Variants in LHX5 observed in about 807,000 individuals in gnomAD.
The protein encoded by LHX5 is LIM/homeobox protein Lhx5.
Under a neutral mutation model 30.6 loss-of-function variants are expected in LHX5, and 5 were observed. The ratio of observed to expected loss-of-function variants is 0.16; its 90% CI spans 0.09 to 0.34. The LOEUF (loss-of-function observed/expected upper bound fraction) is 0.34, where lower values mean the gene tolerates loss of function less well. LHX5 is among the 10% of genes least tolerant of loss of function. The pLI, the probability that LHX5 is intolerant of heterozygous loss-of-function variation, is 1.00. For synonymous variants in LHX5, 266 were observed against 252.6 expected, an observed-to-expected ratio of 1.05 and a Z score of -0.50; for missense variants, 458 against 570.6, an observed-to-expected ratio of 0.80 and a Z score of 2.01.
Position 113,466,778 on chromosome 12 carries a change from T to A in LHX5, c.841+478A>T, listed in dbSNP as rs1022746979. Among the ~76,000 whole-genome samples, 1 of 152,130 alleles carries A rather than the reference T, an allele frequency of 6.6e-6. No homozygotes were observed. The highest frequency in any genetic ancestry group is 2.1e-4 in the South Asian group (1 of 4,820). ...CGCTCGGAATCCACCTCATGCCAAG[T>A]ACACCAGGCACAGGGCGGCAGGAAG... On this transcript the variant is annotated intron_variant, in intron 4 of 4. Coordinates refer to ENST00000261731, the MANE Select transcript of LHX5 (RefSeq NM_022363.3). This position sits in a 1 kb window ranked among gnomAD's most constrained non-coding sequence, Gnocchi z 6.5.
In LHX5 at chr12:113,466,016, G is replaced by A. The variant is rs2136977255; in HGVS notation, c.841+1240C>T. Among the ~76,000 whole-genome samples, 1 of 152,296 alleles carries A rather than the reference G, an allele frequency of 6.6e-6. No individual in the cohort carries two copies. Among genetic ancestry groups the A allele is most frequent in the East Asian group, 1.9e-4 (1 of 5,172 alleles). The stretch of plus-strand genomic sequence containing the variant: ...TCTAGGGGCCCCGGTCCGGTCTCAA[G>A]GTCTAATCCCCCCTCAGGCTTCCGG... On this transcript the variant is annotated intron_variant, in intron 4 of 4. Transcript: ENST00000261731. The surrounding 1 kb of genome is among the most constrained non-coding windows in gnomAD (Gnocchi z 6.5).
chr12:113,470,725 G>A (rs1958244510), intron 1 of LHX5, among the ~76,000 whole-genome samples: 1 of 152,242 alleles, frequency 6.6e-6, no homozygotes, highest in Non-Finnish European at 1.5e-5. Context: ...AGGTGCCACA[G>A]CCCAGTCTAG....
rs1021672106 is a variant in LHX5 at position 113,464,650 on chromosome 12, A to G, written c.842-1093T>C. Among the ~76,000 whole-genome samples, 10 of 152,068 alleles carry G rather than the reference A, an allele frequency of 6.6e-5. No individual in the cohort carries two copies. The highest frequency in any genetic ancestry group is 2.4e-4 in the African/African-American group (10 of 41,420). The stretch of plus-strand genomic sequence containing the variant: ...AGCTCCGCGGGCTCCTTGGGGTAGA[A>G]GCTCGGTCCTCCAGCCTTGCCCCGG... On this transcript the variant is annotated intron_variant, in intron 4 of 4. Transcript: ENST00000261731. This position sits in a 1 kb window ranked among gnomAD's most constrained non-coding sequence, Gnocchi z 6.2.
rs1425878405 is a variant in LHX5 at position 113,464,719 on chromosome 12, A to G, written c.842-1162T>C. On this transcript the variant is annotated intron_variant, in intron 4 of 4. Transcript: ENST00000261731. This position sits in a 1 kb window ranked among gnomAD's most constrained non-coding sequence, Gnocchi z 6.2. ...CCCAGGTTCTGAAGCATCTGAGGAC[A>G]TTGAGATCTTTTGAGAAGCTGGTGA... Among the ~76,000 whole-genome samples the G allele has an allele frequency of 6.6e-6, 1 of 152,184 alleles. No individual in the cohort carries two copies.
At chr12:113,469,668 C>T (rs1449140512) in intron 1 of LHX5, among the ~76,000 whole-genome samples, 1 of 152,214 alleles carries the variant, frequency 6.6e-6, no homozygotes, top group African/African-American at 2.4e-5. Context: ...CAACCCCTGC[C>T]AGGCCTGCCT....
rs1440086408 is a variant in LHX5, at chr12:113,465,736, C to T, written c.841+1520G>A. Among the ~76,000 whole-genome samples the T allele has an allele frequency of 6.6e-6, 1 of 152,250 alleles. No homozygotes were observed. The highest frequency in any genetic ancestry group is 1.5e-5 in the Non-Finnish European group (1 of 68,036). ...AAAAATTCCGGGCCGGTACCGCCCC[C>T]ACTACCTCGCTGCTCCGGGCCCAGA... On this transcript the variant is annotated intron_variant, in intron 4 of 4. Transcript: ENST00000261731. This position sits in a 1 kb window ranked among gnomAD's most constrained non-coding sequence, Gnocchi z 6.7.
rs1023625076 is a variant in LHX5, at chr12:113,471,253, T to A, written c.173+73A>T. On this transcript the variant is annotated intron_variant, in intron 1 of 4. Transcript: ENST00000261731. Reference sequence around the variant, plus strand: ...GGAGGCTGGGATGGGGATGGGGGTATCCCCTTCCCCAGCGCCCCAGTGGAG... The same window carrying A: ...GGAGGCTGGGATGGGGATGGGGGTAACCCCTTCCCCAGCGCCCCAGTGGAG... 3.4e-6 allele frequency: 5 copies of A among 1,487,440 alleles called. No individual in the cohort carries two copies. In the East Asian group the frequency reaches 6.8e-5, roughly 20 times the overall value. 92.1% of individuals were successfully genotyped at this position (1,487,440 alleles called of 1,614,324 possible). A position where few individuals can be genotyped will look rare whatever the true frequency, so the allele number is the denominator to read the frequency against.
chr12:113,471,176 G>A (rs943945780), intron 1 of LHX5, 150 bp downstream of exon 1: 8 of 791,242 alleles, frequency 1.0e-5, no homozygotes, highest in Admixed American at 2.6e-5. Flanking sequence ...CTGGACCAAG[G>A]ACAGGAGGAG....
chr12:113,468,880 G>A lies in LHX5; in HGVS notation c.397+242C>T, dbSNP rs190487970. Among the ~76,000 whole-genome samples the A allele has an allele frequency of 2.2e-3, 336 of 152,366 alleles. 3 individuals are homozygous for A. The highest frequency in any genetic ancestry group is 7.8e-3 in the African/African-American group (325 of 41,582). On this transcript the variant is annotated intron_variant, in intron 2 of 4. Transcript: ENST00000261731. ...TAGGGGAGGAGGGCAACTTGGAAAA[G>A]GCTCCTGAATTGGAGGAGGGTGAGG...
At chr12:113,469,494 G>A (rs1958234652) in intron 1 of LHX5, 149 bp from the exon 2 acceptor site, 1 of 672,088 alleles carries the variant, frequency 1.5e-6, no homozygotes, top group Non-Finnish European at 2.5e-6. Context: ...TCTGGCCAGA[G>A]TGGGAGAAGT....
At position 113,463,164 on chromosome 12, in the gene LHX5, C is replaced by G; in HGVS notation, c.*26G>C. ...GCTTCGGGGCGGGGCCCCCGGGGGC[C>G]GAGCGCGGGGGGCGGCCCGGCGGCC... is the stretch of plus-strand genomic sequence containing the variant. On this transcript the variant is annotated 3_prime_UTR_variant, in exon 5 of 5. Coordinates refer to ENST00000261731, the MANE Select transcript of LHX5 (RefSeq NM_022363.3). The surrounding 1 kb of genome is among the most constrained non-coding windows in gnomAD (Gnocchi z 6.7). 6.8e-7 allele frequency: 1 copy of G among 1,475,998 alleles called. No individual in the cohort carries two copies. Among genetic ancestry groups the G allele is most frequent in the Non-Finnish European group, 8.9e-7 (1 of 1,123,512 alleles). The allele number at this position is 1,475,998 out of a possible 1,614,324, so 91.4% of individuals were successfully genotyped here.
In LHX5 at chr12:113,468,112, C is replaced by T. The variant is rs781131647; in HGVS notation, c.675+15G>A. 5 of 1,527,618 alleles carry T rather than the reference C, an allele frequency of 3.3e-6. No homozygotes were observed. The highest frequency in any genetic ancestry group is 3.5e-6 in the Non-Finnish European group (4 of 1,139,906). The allele number at this position is 1,527,618 out of a possible 1,614,324, so 94.6% of individuals were successfully genotyped here. On this transcript the variant is annotated intron_variant, in intron 3 of 4. Coordinates refer to ENST00000261731, the MANE Select transcript of LHX5 (RefSeq NM_022363.3). ...GCCAGCGGGGCTAAGGAGCTGTGCCCGCCCCGGGCCGCACCTGGATGACGC... is the reference window on the plus strand; with the variant it reads ...GCCAGCGGGGCTAAGGAGCTGTGCCTGCCCCGGGCCGCACCTGGATGACGC...
At chr12:113,469,709 A>C (rs116821718) in intron 1 of LHX5, among the ~76,000 whole-genome samples, 2 of 152,186 alleles carry the variant, frequency 1.3e-5, no homozygotes, top group African/African-American at 4.8e-5. Context: ...AGAGTCCATG[A>C]ATGATTTGAA....
rs1042406268 is a variant in LHX5, at chr12:113,467,559, C to T, written c.676-138G>A. ...GGACTCCCCCGAGGCGGGGCCGGGC[C>T]GGATTAGGCCGGGAGGGGTGGAGAG... On this transcript the variant is annotated intron_variant, in intron 3 of 4. Coordinates refer to ENST00000261731, the MANE Select transcript of LHX5 (RefSeq NM_022363.3). The surrounding 1 kb of genome is among the most constrained non-coding windows in gnomAD (Gnocchi z 6.3). 1.1e-5 allele frequency: 9 copies of T among 817,390 alleles called. No individual in the cohort carries two copies. The highest frequency in any genetic ancestry group is 1.6e-5 in the Non-Finnish European group (9 of 568,354). 50.6% of individuals were successfully genotyped at this position (817,390 alleles called of 1,614,324 possible). A position where few individuals can be genotyped will look rare whatever the true frequency, so the allele number is the denominator to read the frequency against.
At chr12:113,470,215 G>A (rs1958239928) in intron 1 of LHX5, among the ~76,000 whole-genome samples, 1 of 152,116 alleles carries the variant, frequency 6.6e-6, no homozygotes, top group Admixed American at 6.5e-5. Context: ...TGGGGGTGGG[G>A]TGGGGGAGGA....
At position 113,463,297 on chromosome 12, in the gene LHX5, C is replaced by A. The variant is rs1349582111; in HGVS notation, c.1102G>T (p.Val368Leu). ...GGCGGGCTGGGCCCGCCGCTGAATA[C>A]CTCGCCGGGCATGGGGTGCAGCGTG... ...PGTLHPMPGE[V>L]FSGGPSPPFP... Residue 368 changes from valine (V) to leucine (L), a missense_variant, in exon 5 of 5, where the codon GTA becomes TTA. Transcript: ENST00000261731. The surrounding 1 kb of genome is among the most constrained non-coding windows in gnomAD (Gnocchi z 6.7). 3.3e-6 allele frequency: 5 copies of A among 1,529,410 alleles called. No individual in the cohort carries two copies. The highest frequency in any genetic ancestry group is 2.9e-5 in the African/African-American group (2 of 70,012). 94.7% of individuals were successfully genotyped at this position (1,529,410 alleles called of 1,614,324 possible).
rs1275209678 is a variant in LHX5, at chr12:113,465,766, G to C, written c.841+1490C>G. 6.6e-6 allele frequency among the ~76,000 whole-genome samples: 1 copy of C among 152,214 alleles called. No homozygotes were observed. Among genetic ancestry groups the C allele is most frequent in the Non-Finnish European group, 1.5e-5 (1 of 68,032 alleles). On this transcript the variant is annotated intron_variant, in intron 4 of 4. Coordinates refer to ENST00000261731, the MANE Select transcript of LHX5 (RefSeq NM_022363.3). This position sits in a 1 kb window ranked among gnomAD's most constrained non-coding sequence, Gnocchi z 6.7. Reference sequence around the variant, plus strand: ...CCTCGCTGCTCCGGGCCCAGATTTTGTAGGGAAAGAGGCAAATTTAGGTGG... The same window carrying C: ...CCTCGCTGCTCCGGGCCCAGATTTTCTAGGGAAAGAGGCAAATTTAGGTGG...
At chr12:113,470,021 AC>A (rs1251098133) in intron 1 of LHX5, among the ~76,000 whole-genome samples, 1 of 152,068 alleles carries the variant, frequency 6.6e-6, no homozygotes, top group East Asian at 1.9e-4. Flanking sequence ...GCCCCCCTAA[AC>A]CTCTGGCCTG....
rs945522436 is a variant in LHX5 at position 113,466,590 on chromosome 12, A to G, written c.841+666T>C. On this transcript the variant is annotated intron_variant, in intron 4 of 4. Transcript: ENST00000261731. The surrounding 1 kb of genome is among the most constrained non-coding windows in gnomAD (Gnocchi z 6.5). ...GGGTCTCGGGGCTGGAGGGTGGACT[A>G]CAGTCCTGCCCAGAGCAACTGCCGG... Among the ~76,000 whole-genome samples the G allele has an allele frequency of 6.6e-6, 1 of 152,164 alleles. No homozygotes were observed. The highest frequency in any genetic ancestry group is 2.4e-5 in the African/African-American group (1 of 41,440).
Sources: gnomAD v4.1 joint callset for allele counts (sites outside exome capture counted in the v4.1 genomes callset) on GRCh38, gnomAD v4.1.1 for gene constraint, Gnocchi (gnomAD v3.1) non-coding constraint, MANE v1.5 for transcripts, NCBI Gene and HGNC (gene_info 2026-07-23, HGNC 2026-07-21) for gene names.